NDST4: variants seen among roughly 807,000 people sequenced by gnomAD.
NDST4 encodes the protein N-deacetylase and N-sulfotransferase 4.
NDST4 carries 63 observed loss-of-function variants against 100.8 expected under a neutral mutation model. That is an observed-to-expected ratio of 0.62 (90% CI 0.51 to 0.77). NDST4 has a LOEUF of 0.77. Ranked by LOEUF, NDST4 falls within the 30% of genes least tolerant of loss-of-function variation. The probability of loss-of-function intolerance (pLI) is 0.00; values close to 1 mark genes in which losing one functional copy is unlikely to be tolerated. For synonymous variants in NDST4, 377 were observed against 361.8 expected (o/e 1.04, Z -0.48); for missense variants, 943 against 1,018.4 (o/e 0.93, Z 1.01).
Position 115,076,723 on chromosome 4 carries a change from T to G in NDST4, c.314A>C (p.Gln105Pro), listed in dbSNP as rs1369794249. ...TCCAGGGGCAATAACCATGTGGTAC[T>G]GAAATCGGCTGGACTCCAAAATAGC... ...IIAILESSRF[Q>P]YHMVIAPGKG... Residue 105 changes from glutamine (Q) to proline (P), a missense_variant, in exon 2 of 14, where the codon CAG (glutamine) becomes CCG (proline). Gln to Pro is a moderately conservative substitution (Grantham distance 76). Around this residue, in one of 2 missense-constraint regions of NDST4, gnomAD observed 417 missense variants for 384.2 expected, o/e 1.09. Transcript: ENST00000264363. The G allele has an allele frequency of 6.2e-7, 1 of 1,613,986 alleles. No homozygotes were observed. Among genetic ancestry groups the G allele is most frequent in the Admixed American group, 1.7e-5 (1 of 60,000 alleles).
At chr4:114,872,210 G>A (rs1223249231) in intron 6 of NDST4, among the ~76,000 whole-genome samples, 2 of 151,880 alleles carry the variant, frequency 1.3e-5, no homozygotes, top group South Asian at 4.1e-4. Flanking sequence ...AACTATAAAT[G>A]TCTAAAGAGG....
At chr4:115,062,658 C>A (rs991316753) in intron 2 of NDST4, among the ~76,000 whole-genome samples, 1 of 151,034 alleles carries the variant, frequency 6.6e-6, no homozygotes, top group Non-Finnish European at 1.5e-5. Context: ...TAAAATAATT[C>A]TAAATTAAAA....
intron 6 of NDST4, among the ~76,000 whole-genome samples, chr4:114,883,679 C>T (rs543647405): frequency 1.3e-5 from 2 of 152,198 alleles, no homozygotes; most frequent in African/African-American, 4.8e-5. Flanking sequence ...TTGTCTATAA[C>T]AGTGGTCCCC....
chr4:115,076,859 A>G lies in NDST4; in HGVS notation c.178T>C (p.Tyr60His), dbSNP rs779375309. The change falls in exon 2 of 14, where the codon TAT (tyrosine) becomes CAT (histidine). Residue 60 changes from tyrosine (Y) to histidine (H), a missense_variant. Coordinates refer to ENST00000264363, the MANE Select transcript of NDST4 (RefSeq NM_022569.3). Reference protein sequence around the residue: ...AECTDIKILPYRSMELKTVKP... With the variant: ...AECTDIKILPHRSMELKTVKP... ...ACTGTTTTCAGCTCCATTGACCTAT[A>G]TGGTAGAATTTTGATGTCAGTGCAT... 1.9e-6 allele frequency: 3 copies of G among 1,613,788 alleles called. No individual in the cohort carries two copies. The highest frequency in any genetic ancestry group is 2.5e-6 in the Non-Finnish European group (3 of 1,179,854).
chr4:114,845,723 T>G, intron 10 of NDST4, 100 bp downstream of exon 10: 1 of 1,089,758 alleles, frequency 9.2e-7, no homozygotes, highest in Non-Finnish European at 1.3e-6. Flanking sequence ...TATTCTTACA[T>G]TTGACTTTTC....
intron 6 of NDST4, among the ~76,000 whole-genome samples, chr4:114,924,251 T>A (rs1294642381): frequency 6.6e-6 from 1 of 152,092 alleles, no homozygotes; most frequent in African/African-American, 2.4e-5. Flanking sequence ...ATTCTCTACA[T>A]CCTTATGCTA....
chr4:114,991,453 C>T (rs1280297122), intron 2 of NDST4, among the ~76,000 whole-genome samples: 1 of 151,878 alleles, frequency 6.6e-6, no homozygotes, highest in African/African-American at 2.4e-5. Context: ...GAAAGTAAAG[C>T]AAAGGCAAAT....
At chr4:114,945,644 G>A (rs145743037) in intron 4 of NDST4, among the ~76,000 whole-genome samples, 5 of 152,280 alleles carry the variant, frequency 3.3e-5, no homozygotes, top group Admixed American at 2.0e-4. Flanking sequence ...GTACCTTGTT[G>A]AACTTAAAGT....
At chr4:115,081,888 T>C (rs1019570165) in intron 1 of NDST4, among the ~76,000 whole-genome samples, 5 of 152,158 alleles carry the variant, frequency 3.3e-5, no homozygotes, top group Non-Finnish European at 5.9e-5. Flanking sequence ...GTAAATTCCA[T>C]CTGTGGAAAA....
intron 1 of NDST4, among the ~76,000 whole-genome samples, chr4:115,090,166 C>T (rs971100597): frequency 8.6e-5 from 13 of 151,660 alleles, no homozygotes; most frequent in African/African-American, 2.9e-4. Flanking sequence ...TTTTTTACTA[C>T]TCAATCCTTT....
chr4:115,057,146 C>G (rs536241771), intron 2 of NDST4, among the ~76,000 whole-genome samples: 1 of 152,202 alleles, frequency 6.6e-6, no homozygotes, highest in South Asian at 2.1e-4. Context: ...ATGTTTTTCT[C>G]TGGAGTAAAT....
intron 1 of NDST4, among the ~76,000 whole-genome samples, chr4:115,094,440 TAAGAG>T (rs1303411860): frequency 6.6e-6 from 1 of 151,760 alleles, no homozygotes; most frequent in Non-Finnish European, 1.5e-5. Flanking sequence ...TAATAAATAA[TAAGAG>T]AAAACACAAA....
chr4:115,021,056 T>C (rs1578459531), intron 2 of NDST4, among the ~76,000 whole-genome samples: 1 of 152,046 alleles, frequency 6.6e-6, no homozygotes, highest in Admixed American at 6.6e-5. Flanking sequence ...AATCCCACTA[T>C]TGGGTATTTA....
intron 2 of NDST4, among the ~76,000 whole-genome samples, chr4:115,074,376 T>C (rs1729137713): frequency 6.6e-6 from 1 of 152,034 alleles, no homozygotes; most frequent in African/African-American, 2.4e-5. Context: ...GGAAATGCTA[T>C]ATTTTTAGCA....
intron 6 of NDST4, among the ~76,000 whole-genome samples, chr4:114,881,728 G>C (rs1408318391): frequency 6.6e-6 from 1 of 152,066 alleles, no homozygotes; most frequent in Non-Finnish European, 1.5e-5. Flanking sequence ...AGTGGCATAA[G>C]AGACATGTTT....
At chr4:114,842,744 T>C (rs1324486529) in intron 10 of NDST4, 1 of 176,064 alleles carries the variant, frequency 5.7e-6, no homozygotes, top group African/African-American at 2.5e-5. Flanking sequence ...AAGGTTGCAG[T>C]GAGCCGAGAT....
At chr4:114,870,161 C>A (rs1296201758) in intron 7 of NDST4, among the ~76,000 whole-genome samples, 2 of 152,084 alleles carry the variant, frequency 1.3e-5, no homozygotes, top group Non-Finnish European at 2.9e-5. Context: ...TTGATGCATC[C>A]AGGCTAAGTG....
intron 3 of NDST4, among the ~76,000 whole-genome samples, 170 bp from the exon 4 acceptor site, chr4:114,970,754 G>C (rs1014133268): frequency 4.6e-5 from 7 of 152,056 alleles, no homozygotes; most frequent in Non-Finnish European, 1.0e-4. Flanking sequence ...AAAGGCAAAG[G>C]GACTTGGGAT....
intron 1 of NDST4, among the ~76,000 whole-genome samples, chr4:115,080,153 T>C (rs1453189796): frequency 2.0e-5 from 3 of 152,176 alleles, no homozygotes; most frequent in African/African-American, 7.2e-5. Context: ...TTTATTTATT[T>C]TGAGATGGAG....
Sources: allele counts gnomAD v4.1 joint callset (sites outside exome capture counted in the v4.1 genomes callset), GRCh38; gene constraint gnomAD v4.1.1; regional missense constraint gnomAD v4.1.1; transcripts MANE v1.5; gene names NCBI Gene and HGNC (gene_info 2026-07-23, HGNC 2026-07-21).